The following ESR1 variants were observed in gnomAD, a reference collection of about 807,000 sequenced individuals.
ESR1 encodes the protein estrogen receptor 1.
Under a neutral mutation model 52.7 loss-of-function variants are expected in ESR1, and 12 were observed. That is an observed-to-expected ratio of 0.23 (90% CI 0.15 to 0.37). The LOEUF (loss-of-function observed/expected upper bound fraction) is 0.37, where lower values mean the gene tolerates loss of function less well. Among genes scored for constraint, ESR1 ranks in the 10% least tolerant of loss-of-function variants. The probability of loss-of-function intolerance (pLI) is 1.00; values close to 1 mark genes in which losing one functional copy is unlikely to be tolerated. For synonymous variants in ESR1, 305 were observed against 316.8 expected (o/e 0.96, Z 0.39); for missense variants, 584 against 779.7 (o/e 0.75, Z 2.99).
At chr6:151,871,340 A>C (rs1002474726) in intron 2 of ESR1, among the ~76,000 whole-genome samples, 2 of 152,164 alleles carry the variant, frequency 1.3e-5, no homozygotes, top group African/African-American at 4.8e-5. Flanking sequence ...CATTGAGTAC[A>C]TTCACATTTT....
chr6:151,985,417 A>G (rs1584651168), intron 4 of ESR1, among the ~76,000 whole-genome samples: 1 of 144,590 alleles, frequency 6.9e-6, no homozygotes. Context: ...CTGAGGCAGG[A>G]GAATCACTTG....
intron 5 of ESR1, among the ~76,000 whole-genome samples, chr6:152,030,620 G>C (rs903592452): frequency 1.3e-5 from 2 of 152,126 alleles, no homozygotes; most frequent in Non-Finnish European, 2.9e-5. Context: ...CAATACAGGA[G>C]CACCCAGATT....
chr6:152,079,712 C>T (rs2049035883), intron 6 of ESR1, among the ~76,000 whole-genome samples: 1 of 152,136 alleles, frequency 6.6e-6, no homozygotes, highest in Non-Finnish European at 1.5e-5. Context: ...GGAACATGTT[C>T]TAACCCATCG....
intron 6 of ESR1, among the ~76,000 whole-genome samples, chr6:152,079,608 C>A (rs1219258099): frequency 6.6e-6 from 1 of 152,112 alleles, no homozygotes; most frequent in Admixed American, 6.5e-5. Flanking sequence ...AGCTCCTCAC[C>A]AGCAAGGGAA....
chr6:151,697,207 G>A (rs1421872458), intron 1 of ESR1, among the ~76,000 whole-genome samples: 1 of 152,146 alleles, frequency 6.6e-6, no homozygotes, highest in Non-Finnish European at 1.5e-5. Context: ...GGAGGTGAGG[G>A]AAATAGTTCA....
At chr6:151,984,429 A>G (rs1179748356) in intron 4 of ESR1, among the ~76,000 whole-genome samples, 1 of 152,160 alleles carries the variant, frequency 6.6e-6, no homozygotes, top group South Asian at 2.1e-4. Context: ...ACTAGCAACA[A>G]CTAACTTGGT....
chr6:151,939,001 A>T lies in ESR1; in HGVS notation c.761-5172A>T, dbSNP rs565519382. 1.5e-4 allele frequency among the ~76,000 whole-genome samples: 23 copies of T among 152,326 alleles called. No individual in the cohort carries two copies. In the South Asian group the frequency reaches 4.6e-3, roughly 30 times the overall value. On this transcript the variant is annotated intron_variant, in intron 3 of 7. Transcript: ENST00000206249. ...AAGTGGTTCAAAGAAATTTGCTTTG[A>T]TGCAAATATTGTCTAGTCAGTTACA... is the stretch of plus-strand genomic sequence containing the variant.
At chr6:151,754,747 G>C (rs1784152695) in intron 2 of ESR1, among the ~76,000 whole-genome samples, 2 of 152,128 alleles carry the variant, frequency 1.3e-5, no homozygotes, top group Admixed American at 6.5e-5. Context: ...CAAAACTGGT[G>C]CTCCTCAGAT....
chr6:152,114,893 A>G (rs942360791), intron 6 of ESR1, among the ~76,000 whole-genome samples: 2 of 93,766 alleles, frequency 2.1e-5, no homozygotes, highest in Non-Finnish European at 4.7e-5. Context: ...TCCGTCTCAA[A>G]AAAAAAAAAA....
intron 4 of ESR1, among the ~76,000 whole-genome samples, chr6:151,950,587 A>G (rs897465681): frequency 6.6e-6 from 1 of 152,180 alleles, no homozygotes; most frequent in Non-Finnish European, 1.5e-5. Flanking sequence ...GAAAGGGGAA[A>G]TTTAGACATA....
chr6:152,089,505 T>C (rs911422236), intron 6 of ESR1, among the ~76,000 whole-genome samples: 5 of 152,266 alleles, frequency 3.3e-5, no homozygotes, highest in African/African-American at 9.6e-5. Flanking sequence ...ATATATTCCA[T>C]TTAAACTTCC....
intron 4 of ESR1, among the ~76,000 whole-genome samples, chr6:152,003,651 T>C (rs1416559758): frequency 6.6e-6 from 1 of 151,942 alleles, no homozygotes; most frequent in African/African-American, 2.4e-5. Context: ...GAGGAAAACC[T>C]TTTCTTGTTA....
chr6:151,952,051 T>C (rs9478253), intron 4 of ESR1, among the ~76,000 whole-genome samples: 12 of 152,354 alleles, frequency 7.9e-5, no homozygotes, highest in African/African-American at 2.4e-4. Context: ...CCTAATCGAG[T>C]ATGACTTCAT....
At chr6:151,811,316 C>G (rs369281368) in intron 1 of ESR1, 2 of 152,084 alleles carry the variant, frequency 1.3e-5, no homozygotes, top group African/African-American at 4.8e-5. Flanking sequence ...GTCATCTTAT[C>G]CTGGGTTCCT....
chr6:151,676,168 T>A (rs554939440), intron 1 of ESR1, among the ~76,000 whole-genome samples: 3 of 152,182 alleles, frequency 2.0e-5, no homozygotes, highest in Admixed American at 6.5e-5. Flanking sequence ...AGAGGTTGGG[T>A]GGGCAGACAG....
chr6:151,728,610 T>C (rs1475449985), intron 2 of ESR1, among the ~76,000 whole-genome samples: 2 of 152,234 alleles, frequency 1.3e-5, no homozygotes, highest in African/African-American at 4.8e-5. Flanking sequence ...TTATAAGTTT[T>C]GATGTATGTA....
At chr6:151,967,890 A>G (rs547103290) in intron 4 of ESR1, among the ~76,000 whole-genome samples, 2 of 152,280 alleles carry the variant, frequency 1.3e-5, no homozygotes, top group South Asian at 4.1e-4. Context: ...CTGGCATAAG[A>G]TGGTATGTCG....
At chr6:151,904,990 A>C (rs1797223567) in intron 3 of ESR1, among the ~76,000 whole-genome samples, 1 of 152,238 alleles carries the variant, frequency 6.6e-6, no homozygotes, top group Admixed American at 6.5e-5. Flanking sequence ...CCCAATTAAA[A>C]GAATTAGAGA....
intron 2 of ESR1, among the ~76,000 whole-genome samples, chr6:151,851,812 G>A (rs1193565229): frequency 1.3e-5 from 2 of 152,214 alleles, no homozygotes; most frequent in African/African-American, 2.4e-5. Context: ...ACAGGCGTGA[G>A]CCGCCGCACC....
Sources: gnomAD v4.1 joint callset for allele counts (sites outside exome capture counted in the v4.1 genomes callset) on GRCh38, gnomAD v4.1.1 for gene constraint, MANE v1.5 for transcripts, NCBI Gene and HGNC (gene_info 2026-07-23, HGNC 2026-07-21) for gene names.